CACNB2: variants seen among roughly 807,000 people sequenced by gnomAD.
CACNB2 encodes calcium voltage-gated channel auxiliary subunit beta 2.
CACNB2 carries 42 observed loss-of-function variants against 73.3 expected under a neutral mutation model. The ratio of observed to expected loss-of-function variants is 0.57; its 90% CI spans 0.45 to 0.74. The LOEUF is 0.74. Ranked by LOEUF, CACNB2 falls within the 30% of genes least tolerant of loss-of-function variation. The probability of loss-of-function intolerance (pLI) is 0.00; values close to 1 mark genes in which losing one functional copy is unlikely to be tolerated. For synonymous variants in CACNB2, 348 were observed against 310.3 expected, an observed-to-expected ratio of 1.12 and a Z score of -1.28; for missense variants, 940 against 853.0, an observed-to-expected ratio of 1.10 and a Z score of -1.27.
At chr10:18,228,433 CAAAAAAAA>C (rs1164745930) in intron 2 of CACNB2, among the ~76,000 whole-genome samples, 1 of 34,798 alleles carries the variant, frequency 2.9e-5, no homozygotes. Flanking sequence ...AACTCTACCT[CAAAAAAAA>C]AAAAAAAAGA....
chr10:18,182,079 C>A (rs541714625), intron 2 of CACNB2: 18 of 152,384 alleles, frequency 1.2e-4, no homozygotes, highest in African/African-American at 4.1e-4. Context: ...CTGAGGAGGA[C>A]CTTCCTGGGT....
At chr10:18,184,844 A>G (rs766239521) in intron 2 of CACNB2, among the ~76,000 whole-genome samples, 2 of 152,000 alleles carry the variant, frequency 1.3e-5, no homozygotes, top group African/African-American at 4.8e-5. Flanking sequence ...TAAGCCCAGC[A>G]TGCATTAGCT....
chr10:18,153,258 G>A (rs2031756073), intron 2 of CACNB2, among the ~76,000 whole-genome samples: 2 of 152,264 alleles, frequency 1.3e-5, no homozygotes, highest in South Asian at 2.1e-4. Flanking sequence ...AATAGGACGA[G>A]GTGTTTGCTA....
At chr10:18,538,091 C>T (rs2053784129) in intron 12 of CACNB2, 89 bp from the exon 13 acceptor site, 6 of 1,242,350 alleles carry the variant, frequency 4.8e-6, no homozygotes, top group Admixed American at 1.7e-5. Context: ...AGGGGTGCAG[C>T]TCATGAGCCC....
At chr10:18,247,275 T>C (rs1159247791) in intron 2 of CACNB2, among the ~76,000 whole-genome samples, 2 of 152,202 alleles carry the variant, frequency 1.3e-5, no homozygotes, top group Non-Finnish European at 2.9e-5. Flanking sequence ...GTGTGTGCTT[T>C]AGCCACCTCC....
At chr10:18,220,551 C>T (rs901110994) in intron 2 of CACNB2, among the ~76,000 whole-genome samples, 16 of 151,984 alleles carry the variant, frequency 1.1e-4, no homozygotes, top group Middle Eastern at 3.4e-3. Context: ...TGTGAGCCAC[C>T]GCACCCAGCC....
At chr10:18,413,432 C>T (rs1258648831) in intron 3 of CACNB2, among the ~76,000 whole-genome samples, 1 of 152,218 alleles carries the variant, frequency 6.6e-6, no homozygotes, top group Admixed American at 6.5e-5. Flanking sequence ...GTCTTCGCCT[C>T]TCTCCCTAGT....
At chr10:18,355,343 A>C (rs2041864959) in intron 2 of CACNB2, among the ~76,000 whole-genome samples, 1 of 152,206 alleles carries the variant, frequency 6.6e-6, no homozygotes, top group South Asian at 2.1e-4. Flanking sequence ...GTATAAACCT[A>C]GGTAGAAAAA....
chr10:18,482,105 G>A (rs2048812500), intron 3 of CACNB2, among the ~76,000 whole-genome samples: 1 of 152,008 alleles, frequency 6.6e-6, no homozygotes, highest in Non-Finnish European at 1.5e-5. Context: ...TGTTGTCCAG[G>A]CTGGTCTCAA....
intron 2 of CACNB2, among the ~76,000 whole-genome samples, chr10:18,218,486 G>C (rs2035600807): frequency 6.6e-6 from 1 of 152,218 alleles, no homozygotes; most frequent in Non-Finnish European, 1.5e-5. Context: ...CCAGAGATCT[G>C]TATGAATGTG....
At chr10:18,315,529 C>CATTTTT (rs869158666) in intron 2 of CACNB2, among the ~76,000 whole-genome samples, 1 of 65,580 alleles carries the variant, frequency 1.5e-5, no homozygotes, top group Non-Finnish European at 2.7e-5. Flanking sequence ...AAAAAAAAAA[C>CATTTTT]TTTTTTTTTT....
intron 3 of CACNB2, among the ~76,000 whole-genome samples, chr10:18,435,520 A>G (rs1363356191): frequency 6.6e-6 from 1 of 152,080 alleles, no homozygotes; most frequent in Admixed American, 6.5e-5. Flanking sequence ...CTTTTTTGAT[A>G]TAGGGTCTCA....
At chr10:18,204,858 T>G (rs1287121113) in intron 2 of CACNB2, among the ~76,000 whole-genome samples, 1 of 152,130 alleles carries the variant, frequency 6.6e-6, no homozygotes, top group Non-Finnish European at 1.5e-5. Flanking sequence ...TACTGTACTT[T>G]CTGTATAGAG....
intron 2 of CACNB2, chr10:18,400,698 C>A: frequency 9.5e-7 from 1 of 1,056,042 alleles, no homozygotes; most frequent in Non-Finnish European, 1.1e-6. Flanking sequence ...ACAATTTGAG[C>A]GCAGGGAAGA....
At chr10:18,524,032 A>C (rs377618973) in intron 9 of CACNB2, among the ~76,000 whole-genome samples, 22 of 152,144 alleles carry the variant, frequency 1.4e-4, no homozygotes, top group South Asian at 8.3e-4. Context: ...GAAATAAATC[A>C]TCCTCCTCCT....
At chr10:18,260,776 G>T in intron 2 of CACNB2, 1 of 1,006,682 alleles carries the variant, frequency 9.9e-7, no homozygotes, top group African/African-American at 1.7e-5. Context: ...GAACAGCAGC[G>T]TGCTAAGAAG....
chr10:18,422,886 C>T lies in CACNB2; in HGVS notation c.333+20843C>T, dbSNP rs139985290. 4.6e-5 allele frequency among the ~76,000 whole-genome samples: 7 copies of T among 152,212 alleles called. No individual in the cohort carries two copies. The East Asian group carries it at 5.8e-4, about 13-fold the overall frequency. On this transcript the variant is annotated intron_variant, in intron 3 of 13. Coordinates refer to ENST00000324631, the MANE Select transcript of CACNB2 (RefSeq NM_201596.3). ...GCTAATTTTGTATTTTTAGTAGAGA[C>T]GGGGTTTCACTATGTTGGTCAAGCT...
At chr10:18,422,382 C>A (rs2045370351) in intron 3 of CACNB2, among the ~76,000 whole-genome samples, 1 of 152,198 alleles carries the variant, frequency 6.6e-6, no homozygotes, top group Non-Finnish European at 1.5e-5. Context: ...TCCTTTTTCC[C>A]TGGATTAAAA....
At chr10:18,401,811 C>T (rs2044011209) in intron 2 of CACNB2, 113 bp from the exon 3 acceptor site, 2 of 1,075,566 alleles carry the variant, frequency 1.9e-6, no homozygotes, top group Non-Finnish European at 2.8e-6. Flanking sequence ...ATTTTCTCCT[C>T]TTTTCAGGAA....
Sources: gnomAD v4.1 joint callset for allele counts (sites outside exome capture counted in the v4.1 genomes callset) on GRCh38, gnomAD v4.1.1 for gene constraint, MANE v1.5 for transcripts, NCBI Gene and HGNC (gene_info 2026-07-23, HGNC 2026-07-21) for gene names.